CCSER2: variants seen among roughly 807,000 people sequenced by gnomAD.
CCSER2 encodes the protein serine-rich coiled-coil domain-containing protein 2.
A neutral mutation model predicts 92.3 loss-of-function variants in CCSER2; 46 were observed. That is an observed-to-expected ratio of 0.50 (90% CI 0.39 to 0.64). The LOEUF (loss-of-function observed/expected upper bound fraction) is 0.64, where lower values mean the gene tolerates loss of function less well. Ranked by LOEUF, CCSER2 falls within the 30% of genes least tolerant of loss-of-function variation. CCSER2 has a pLI of 0.00. For missense variants in CCSER2, 1,244 were observed against 1,238.9 expected (o/e 1.00, Z -0.06); for synonymous variants, 433 against 431.4 (o/e 1.00, Z -0.04).
intron 3 of CCSER2, among the ~76,000 whole-genome samples, chr10:84,397,512 C>G (rs148215503): frequency 2.0e-5 from 3 of 152,270 alleles, no homozygotes; most frequent in Non-Finnish European, 4.4e-5. Flanking sequence ...TCAATACATT[C>G]ATTTTCTCTC....
chr10:84,341,084 A>G (rs1589389577), intron 1 of CCSER2, among the ~76,000 whole-genome samples: 1 of 124,686 alleles, frequency 8.0e-6, no homozygotes, highest in African/African-American at 3.3e-5. Context: ...TCTGTCACCC[A>G]GGCTGGCGTG....
At chr10:84,360,296 C>A (rs1177136353) in intron 1 of CCSER2, among the ~76,000 whole-genome samples, 2 of 152,002 alleles carry the variant, frequency 1.3e-5, no homozygotes, top group Non-Finnish European at 2.9e-5. Context: ...GATTTTCTTA[C>A]TTTGTGATTC....
Position 84,371,395 on chromosome 10 carries a change from A to G in CCSER2, c.343A>G (p.Lys115Glu), listed in dbSNP as rs763320165. ...TAAAAATGGGATAAAGGGAGGTTTGAAAAGTGTTTCTTTATTCACATCAAA... is the reference window on the plus strand; with the variant it reads ...TAAAAATGGGATAAAGGGAGGTTTGGAAAGTGTTTCTTTATTCACATCAAA... ...FDKNGIKGGL[K>E]SVSLFTSKLA... is the part of the protein sequence containing the mutation. Residue 115 changes from lysine (K) to glutamate (E), a missense_variant, in exon 2 of 10, where the codon AAA (lysine) becomes GAA (glutamate). Transcript: ENST00000372088. 16 of 1,613,580 alleles carry G rather than the reference A, an allele frequency of 9.9e-6. No individual in the cohort carries two copies. In the East Asian group the frequency reaches 3.1e-4, roughly 31 times the overall value.
chr10:84,509,854 GCCTT>G (rs1036051970), intron 9 of CCSER2, among the ~76,000 whole-genome samples: 2 of 152,130 alleles, frequency 1.3e-5, no homozygotes, highest in African/African-American at 4.8e-5. Context: ...CTTCCCAAAG[GCCTT>G]TTTTGGATAC....
At chr10:84,474,862 T>C (rs958282856) in intron 8 of CCSER2, among the ~76,000 whole-genome samples, 2 of 152,158 alleles carry the variant, frequency 1.3e-5, no homozygotes, top group Non-Finnish European at 2.9e-5. Context: ...TAAAAGTCCC[T>C]AACTAAAAGT....
intron 5 of CCSER2, among the ~76,000 whole-genome samples, chr10:84,437,115 A>G (rs1844204704): frequency 1.3e-5 from 2 of 150,860 alleles, no homozygotes; most frequent in Non-Finnish European, 2.9e-5. Context: ...TCTACTTACT[A>G]ACTAGCCAAC....
intron 3 of CCSER2, among the ~76,000 whole-genome samples, chr10:84,405,516 G>A (rs1394547310): frequency 2.0e-5 from 3 of 152,072 alleles, no homozygotes; most frequent in African/African-American, 7.2e-5. Flanking sequence ...ACAATAAAAA[G>A]TTAAATTACA....
At chr10:84,332,604 A>G (rs931826048) in intron 1 of CCSER2, among the ~76,000 whole-genome samples, 1 of 151,102 alleles carries the variant, frequency 6.6e-6, no homozygotes, top group African/African-American at 2.4e-5. Flanking sequence ...ACGCCTGCCT[A>G]ATTTTTGTAT....
chr10:84,348,803 AT>A (rs1202288782), intron 1 of CCSER2, among the ~76,000 whole-genome samples: 4 of 152,208 alleles, frequency 2.6e-5, no homozygotes, highest in South Asian at 2.1e-4. Context: ...AGTACAAAAA[AT>A]ATCTAAATAC....
At chr10:84,458,819 T>G (rs1845927671) in intron 6 of CCSER2, among the ~76,000 whole-genome samples, 1 of 152,144 alleles carries the variant, frequency 6.6e-6, no homozygotes, top group Non-Finnish European at 1.5e-5. Context: ...AGTCTGTGTT[T>G]TGTTGGATTT....
rs1459501910 is a variant in CCSER2, at chr10:84,513,767, C to A, written c.2644C>A (p.Gln882Lys). The A allele has an allele frequency of 6.5e-7, 1 of 1,536,804 alleles. No homozygotes were observed. Among genetic ancestry groups the A allele is most frequent in the Admixed American group, 2.0e-5 (1 of 50,990 alleles). Residue 882 changes from glutamine (Q) to lysine (K), a missense_variant, in exon 10 of 10, where the codon CAG becomes AAG. By Grantham distance (53) the Gln-to-Lys change is moderately conservative. Coordinates refer to ENST00000372088, the MANE Select transcript of CCSER2 (RefSeq NM_001284240.2). ...GGCAAACAATCAAATTAGTGACATG[C>A]AGTTTATACCCACTTCTCTTCAGAC... Reference protein sequence around the residue: ...HLANNQISDMQFIPTSLQTPP... With the variant: ...HLANNQISDMKFIPTSLQTPP...
chr10:84,501,834 A>AAAAATATATAT (rs1167460274), intron 9 of CCSER2, among the ~76,000 whole-genome samples: 6 of 40,162 alleles, frequency 1.5e-4, no homozygotes, highest in Admixed American at 4.0e-4. Flanking sequence ...AAAAAAAAAA[A>AAAAATATATAT]ATATATATAT....
chr10:84,384,527 A>G (rs1841082733), intron 3 of CCSER2, among the ~76,000 whole-genome samples: 1 of 152,232 alleles, frequency 6.6e-6, no homozygotes, highest in Non-Finnish European at 1.5e-5. Context: ...AATCCATATG[A>G]TCATCTCAAT....
chr10:84,459,111 G>A (rs1445701414), intron 6 of CCSER2, among the ~76,000 whole-genome samples: 4 of 152,092 alleles, frequency 2.6e-5, no homozygotes, highest in East Asian at 1.9e-4. Context: ...GGATTCAAGC[G>A]ATTCTCCTGC....
At chr10:84,492,613 A>G (rs1474149266) in intron 9 of CCSER2, among the ~76,000 whole-genome samples, 1 of 152,126 alleles carries the variant, frequency 6.6e-6, no homozygotes, top group African/African-American at 2.4e-5. Flanking sequence ...TATTTGGGAG[A>G]TGGTTTTTAT....
At chr10:84,477,758 T>C in intron 9 of CCSER2, 94 bp downstream of exon 9, 1 of 715,728 alleles carries the variant, frequency 1.4e-6, no homozygotes, top group Non-Finnish European at 2.4e-6. Flanking sequence ...TGATTTTGAA[T>C]CTGTCATGGC....
At chr10:84,401,922 A>G (rs1013742196) in intron 3 of CCSER2, among the ~76,000 whole-genome samples, 1 of 152,196 alleles carries the variant, frequency 6.6e-6, no homozygotes, top group Non-Finnish European at 1.5e-5. Flanking sequence ...GGCCAGAGGT[A>G]AGAATTGAGA....
chr10:84,357,833 T>C (rs911584356), intron 1 of CCSER2, among the ~76,000 whole-genome samples: 1 of 152,238 alleles, frequency 6.6e-6, no homozygotes, highest in East Asian at 1.9e-4. Flanking sequence ...GTGACAACTG[T>C]ATCCACAATA....
At chr10:84,447,067 G>T (rs1844968368) in intron 6 of CCSER2, among the ~76,000 whole-genome samples, 2 of 143,884 alleles carry the variant, frequency 1.4e-5, no homozygotes, top group African/African-American at 2.6e-5. Context: ...ATATTCCTAT[G>T]AACATTTTCC....
Sources: gnomAD v4.1 joint callset for allele counts (sites outside exome capture counted in the v4.1 genomes callset) on GRCh38, gnomAD v4.1.1 for gene constraint, MANE v1.5 for transcripts, NCBI Gene and HGNC (gene_info 2026-07-23, HGNC 2026-07-21) for gene names.